Variants in RETREG1 observed in about 807,000 individuals in gnomAD.
RETREG1 encodes the protein reticulophagy regulator 1.
A neutral mutation model predicts 54.8 loss-of-function variants in RETREG1; 44 were observed. The observed-to-expected ratio is 0.80, with a 90% CI of 0.63 to 1.03. RETREG1 has a LOEUF of 1.03. Ranked by LOEUF, RETREG1 falls within the 50% of genes least tolerant of loss-of-function variation. RETREG1 has a pLI of 0.00. For missense variants in RETREG1, 554 were observed against 605.1 expected (o/e 0.92, Z 0.89); for synonymous variants, 217 against 238.5 (o/e 0.91, Z 0.83).
Position 16,584,966 on chromosome 5 carries a change from C to T in RETREG1, c.321-12864G>A, listed in dbSNP as rs1268008564. Among the ~76,000 whole-genome samples, 5 of 149,028 alleles carry T rather than the reference C, an allele frequency of 3.4e-5. No individual in the cohort carries two copies. The South Asian group carries it at 8.5e-4, about 25-fold the overall frequency. ...TGCAAATCCAGGATTAAATGGAACT[C>T]AGAAGCCTTTTTTTTTTCCCTAGGG... On this transcript the variant is annotated intron_variant, in intron 1 of 8. Transcript: ENST00000306320.
At chr5:16,484,527 T>C (rs936350845) in intron 3 of RETREG1, among the ~76,000 whole-genome samples, 3 of 152,132 alleles carry the variant, frequency 2.0e-5, no homozygotes, top group Admixed American at 6.5e-5. Flanking sequence ...TGTGGTAGGG[T>C]ACCAGGGTGA....
Position 16,565,822 on chromosome 5 carries a change from C to G in RETREG1, c.428-29G>C, listed in dbSNP as rs80062811. The G allele has an allele frequency of 6.4e-3, 10,377 of 1,610,972 alleles. 436 individuals are homozygous for G. The African/African-American group carries it at 0.11, about 16-fold the overall frequency. ...CAACAGGGAGAAGCAAAATGTGAAACTTAACAGAGGTATTTTTCTCCTGAA... is the reference window on the plus strand; with the variant it reads ...CAACAGGGAGAAGCAAAATGTGAAAGTTAACAGAGGTATTTTTCTCCTGAA... On this transcript the variant is annotated intron_variant, in intron 2 of 8. Coordinates refer to ENST00000306320, the MANE Select transcript of RETREG1 (RefSeq NM_001034850.3).
rs1463226831 is a variant in RETREG1, at chr5:16,473,587, A to C, written c.*1154T>G. 1 of 152,584 alleles carries C rather than the reference A, an allele frequency of 6.6e-6. No homozygotes were observed. Among genetic ancestry groups the C allele is most frequent in the African/African-American group, 2.4e-5 (1 of 41,446 alleles). The allele number at this position is 152,584 out of a possible 1,614,324, so 9.5% of individuals were successfully genotyped here. On this transcript the variant is annotated 3_prime_UTR_variant, in exon 9 of 9. Coordinates refer to ENST00000306320, the MANE Select transcript of RETREG1 (RefSeq NM_001034850.3). The stretch of plus-strand genomic sequence containing the variant: ...CATGGTCCCTCGACACTTAAAGTTT[A>C]TATCACAAAAACAAAACTAGGTTGG...
chr5:16,590,914 A>C (rs36115852), intron 1 of RETREG1, among the ~76,000 whole-genome samples: 4 of 151,274 alleles, frequency 2.6e-5, no homozygotes, highest in Admixed American at 6.6e-5. Flanking sequence ...AACACAAAAA[A>C]ACACACACAT....
At chr5:16,526,531 G>A (rs1740721038) in intron 3 of RETREG1, among the ~76,000 whole-genome samples, 1 of 152,168 alleles carries the variant, frequency 6.6e-6, no homozygotes, top group African/African-American at 2.4e-5. Context: ...GAGTGAAACT[G>A]GCATATTCCA....
Position 16,478,064 on chromosome 5 carries a change from A to C in RETREG1, c.843T>G (p.Ser281Arg). ...GACAAAGAGCTGAAAAGTCTAATTC[A>C]CTGTCATCTTTGTGACTTTTTTCTT... ...ADKEKSHKDD[S>R]ELDFSALCPK... Residue 281 changes from serine to arginine, a missense_variant, in exon 7 of 9, where the codon AGT (serine) becomes AGG (arginine). This residue lies in a region of RETREG1 where 347 missense variants were observed against 412.3 expected (regional missense o/e 0.84). Transcript: ENST00000306320. 1.9e-6 allele frequency: 3 copies of C among 1,610,850 alleles called. No individual in the cohort carries two copies. The highest frequency in any genetic ancestry group is 2.5e-6 in the Non-Finnish European group (3 of 1,178,174).
intron 2 of RETREG1, among the ~76,000 whole-genome samples, chr5:16,570,715 C>T (rs1242285836): frequency 1.3e-5 from 2 of 152,160 alleles, no homozygotes; most frequent in Non-Finnish European, 2.9e-5. Flanking sequence ...CCAACTCTGG[C>T]ATGAAACCCT....
At chr5:16,493,591 A>G (rs904842706) in intron 3 of RETREG1, among the ~76,000 whole-genome samples, 3 of 152,122 alleles carry the variant, frequency 2.0e-5, no homozygotes, top group African/African-American at 7.2e-5. Flanking sequence ...GCTCATTTAG[A>G]TATAAGTCTT....
chr5:16,570,870 A>AG (rs920415983), intron 2 of RETREG1, among the ~76,000 whole-genome samples: 2 of 152,100 alleles, frequency 1.3e-5, no homozygotes, highest in African/African-American at 2.4e-5. Flanking sequence ...ATGGAGAGAG[A>AG]GGGAAAAAAG....
chr5:16,533,051 CTT>C (rs36058243), intron 3 of RETREG1, among the ~76,000 whole-genome samples: 24 of 148,350 alleles, frequency 1.6e-4, no homozygotes, highest in Admixed American at 3.4e-4. Context: ...ATAATATGAA[CTT>C]TTTTTTTTTT....
At chr5:16,599,303 ATAT>A in intron 1 of RETREG1, among the ~76,000 whole-genome samples, 1 of 152,226 alleles carries the variant, frequency 6.6e-6, no homozygotes. Flanking sequence ...CTAGAACCAA[ATAT>A]ACTCCATTCA....
At chr5:16,582,172 T>C (rs1416934578) in intron 1 of RETREG1, among the ~76,000 whole-genome samples, 1 of 152,200 alleles carries the variant, frequency 6.6e-6, no homozygotes, top group Non-Finnish European at 1.5e-5. Flanking sequence ...TAGAAAGACA[T>C]ACTGTGTGGT....
chr5:16,587,814 T>C (rs1742662809), intron 1 of RETREG1, among the ~76,000 whole-genome samples: 1 of 152,216 alleles, frequency 6.6e-6, no homozygotes, highest in Non-Finnish European at 1.5e-5. Flanking sequence ...TCAATTGTTC[T>C]GCCTGGTTCT....
At chr5:16,603,476 T>G (rs1743100687) in intron 1 of RETREG1, among the ~76,000 whole-genome samples, 1 of 151,612 alleles carries the variant, frequency 6.6e-6, no homozygotes, top group Admixed American at 6.6e-5. Context: ...GCTGAAGAGG[T>G]GACAGGAAAG....
intron 1 of RETREG1, among the ~76,000 whole-genome samples, chr5:16,587,802 G>C (rs1316410111): frequency 6.6e-6 from 1 of 152,166 alleles, no homozygotes; most frequent in East Asian, 1.9e-4. Context: ...CCTTGGGTGT[G>C]CTCAATTGTT....
chr5:16,478,724 A>T, intron 6 of RETREG1, 126 bp downstream of exon 6: 1 of 854,300 alleles, frequency 1.2e-6, no homozygotes, highest in Non-Finnish European at 1.9e-6. Flanking sequence ...TTTGAGGGAG[A>T]TTAGCTTCTA....
chr5:16,566,890 G>A (rs866713324), intron 2 of RETREG1, among the ~76,000 whole-genome samples: 1 of 152,222 alleles, frequency 6.6e-6, no homozygotes, highest in South Asian at 2.1e-4. Context: ...AGAATGCAGG[G>A]GACTGTGAGC....
intron 3 of RETREG1, among the ~76,000 whole-genome samples, chr5:16,493,235 T>C (rs1257259198): frequency 1.3e-5 from 2 of 152,198 alleles, no homozygotes; most frequent in Non-Finnish European, 2.9e-5. Flanking sequence ...TTTGGGAGGC[T>C]GACACTCAAC....
rs1283717459 is a variant in RETREG1 at position 16,616,925 on chromosome 5, G to A, written c.47C>T (p.Ala16Val). The A allele has an allele frequency of 2.0e-6, 3 of 1,476,654 alleles. No homozygotes were observed. Among genetic ancestry groups the A allele is most frequent in the Middle Eastern group, 4.7e-4 (2 of 4,246 alleles). The allele number at this position is 1,476,654 out of a possible 1,614,324, so 91.5% of individuals were successfully genotyped here. A position where few individuals can be genotyped will look rare whatever the true frequency, so the allele number is the denominator to read the frequency against. Residue 16 changes from alanine (A) to valine (V), a missense_variant, in exon 1 of 9, where the codon GCT becomes GTT. Physicochemically the swap from Ala to Val is moderately conservative, Grantham distance 64. Transcript: ENST00000306320. ...PPEHAEEGCP[A>V]PAAEEQAPPS... ...CGGCGCCTGCTCCTCGGCGGCAGGA[G>A]CCGGGCATCCCTCCTCGGCGTGCTC... is the stretch of plus-strand genomic sequence containing the variant.
Sources: gnomAD v4.1 joint callset for allele counts (sites outside exome capture counted in the v4.1 genomes callset) on GRCh38, gnomAD v4.1.1 for gene constraint, gnomAD v4.1.1 regional missense constraint, MANE v1.5 for transcripts, NCBI Gene and HGNC (gene_info 2026-07-23, HGNC 2026-07-21) for gene names.